Variants in ZDHHC14 observed in about 807,000 individuals in gnomAD.
The protein encoded by ZDHHC14 is palmitoyltransferase ZDHHC14.
A neutral mutation model predicts 47.7 loss-of-function variants in ZDHHC14; 16 were observed. That is an observed-to-expected ratio of 0.34 (90% CI 0.23 to 0.51). ZDHHC14 has a LOEUF of 0.51. Among genes scored for constraint, ZDHHC14 ranks in the 20% least tolerant of loss-of-function variants. ZDHHC14 has a pLI of 0.97. For missense variants in ZDHHC14, 515 were observed against 662.5 expected (o/e 0.78, Z 2.44); for synonymous variants, 293 against 278.9 (o/e 1.05, Z -0.50).
intron 4 of ZDHHC14, chr6:157,628,687 C>A (rs1785537295): frequency 4.8e-6 from 3 of 624,232 alleles, no homozygotes; most frequent in Non-Finnish European, 8.0e-6. Context: ...TCATCCCCCA[C>A]TCCCCACCCC....
chr6:157,499,908 CTAAA>C (rs201409803), intron 1 of ZDHHC14, among the ~76,000 whole-genome samples: 17,702 of 152,080 alleles, frequency 0.12, 1,278 homozygotes, highest in Non-Finnish European at 0.15. Context: ...ATTCTAGGTG[CTAAA>C]TAATTTAGCC....
chr6:157,549,751 G>A (rs112742595), intron 2 of ZDHHC14, among the ~76,000 whole-genome samples: 2,713 of 152,300 alleles, frequency 0.018, 72 homozygotes, highest in African/African-American at 0.06. Context: ...TGATTCTAAG[G>A]GAAGGAGGGA....
At chr6:157,473,951 G>A (rs1189593229) in intron 1 of ZDHHC14, among the ~76,000 whole-genome samples, 1 of 151,006 alleles carries the variant, frequency 6.6e-6, no homozygotes, top group African/African-American at 2.4e-5. Flanking sequence ...CAAGCATTTC[G>A]GATAAGGGAA....
intron 1 of ZDHHC14, among the ~76,000 whole-genome samples, chr6:157,442,246 G>A (rs1013733685): frequency 1.4e-4 from 22 of 152,124 alleles, no homozygotes; most frequent in Admixed American, 6.5e-4. Context: ...ATCTGGATAT[G>A]GTGGTGCACA....
chr6:157,563,455 G>A (rs542480357), intron 2 of ZDHHC14, among the ~76,000 whole-genome samples: 2 of 152,302 alleles, frequency 1.3e-5, no homozygotes, highest in South Asian at 4.2e-4. Flanking sequence ...TCCCGGAGTG[G>A]AATTTCTCTG....
chr6:157,578,347 C>T (rs1783385115), intron 2 of ZDHHC14, among the ~76,000 whole-genome samples: 1 of 152,154 alleles, frequency 6.6e-6, no homozygotes, highest in African/African-American at 2.4e-5. Context: ...AGTCTTTAAT[C>T]CATCTTAAGT....
intron 1 of ZDHHC14, among the ~76,000 whole-genome samples, chr6:157,435,117 G>A (rs1441468375): frequency 2.0e-5 from 3 of 152,222 alleles, no homozygotes; most frequent in African/African-American, 7.2e-5. Context: ...TTCCTCGGGG[G>A]TTCTTTGCAT....
intron 5 of ZDHHC14, among the ~76,000 whole-genome samples, chr6:157,633,375 T>G (rs1182761038): frequency 6.6e-6 from 1 of 152,046 alleles, no homozygotes; most frequent in Admixed American, 6.6e-5. Flanking sequence ...AAACCCTGAA[T>G]AGATTAAAAA....
rs1019977120 is a variant in ZDHHC14, at chr6:157,673,289, C to T, written c.*167C>T. The stretch of plus-strand genomic sequence containing the variant: ...TAGGATGGCACAGGGTGGCTGGCCC[C>T]GGATGCTGAGAGCTTGGTTTCATTT... On this transcript the variant is annotated 3_prime_UTR_variant, in exon 9 of 9. Coordinates refer to ENST00000359775, the MANE Select transcript of ZDHHC14 (RefSeq NM_024630.3). The surrounding 1 kb of genome is among the most constrained non-coding windows in gnomAD (Gnocchi z 5.4). 2.0e-5 allele frequency: 17 copies of T among 866,102 alleles called. No homozygotes were observed. The highest frequency in any genetic ancestry group is 1.6e-4 in the South Asian group (7 of 44,854). The allele number at this position is 866,102 out of a possible 1,614,324, so 53.7% of individuals were successfully genotyped here.
chr6:157,543,326 C>A (rs954090278), intron 2 of ZDHHC14, among the ~76,000 whole-genome samples: 1 of 149,028 alleles, frequency 6.7e-6, no homozygotes, highest in Non-Finnish European at 1.5e-5. Flanking sequence ...GATCCTAATC[C>A]CTTACACAAC....
intron 1 of ZDHHC14, among the ~76,000 whole-genome samples, chr6:157,468,859 A>C (rs543526241): frequency 5.3e-5 from 8 of 152,282 alleles, no homozygotes; most frequent in African/African-American, 1.9e-4. Context: ...ATGGGTGAAA[A>C]ATTTGACGCT....
intron 7 of ZDHHC14, among the ~76,000 whole-genome samples, chr6:157,653,172 A>G (rs1777919667): frequency 6.6e-6 from 1 of 152,162 alleles, no homozygotes; most frequent in East Asian, 1.9e-4. Flanking sequence ...TGTAGTAAGA[A>G]GACGTGCAGT....
chr6:157,389,003 G>A (rs949324742), intron 1 of ZDHHC14, among the ~76,000 whole-genome samples: 1 of 151,888 alleles, frequency 6.6e-6, no homozygotes, highest in African/African-American at 2.4e-5. Flanking sequence ...TGTTTAGTTT[G>A]GTTTATTTTT....
intron 1 of ZDHHC14, among the ~76,000 whole-genome samples, chr6:157,525,363 G>C (rs919213960): frequency 3.3e-5 from 5 of 151,992 alleles, no homozygotes; most frequent in Non-Finnish European, 5.9e-5. Flanking sequence ...ACAGGGTCTT[G>C]CCATGTTGCC....
chr6:157,455,552 C>T (rs902324859), intron 1 of ZDHHC14, among the ~76,000 whole-genome samples: 8 of 152,120 alleles, frequency 5.3e-5, no homozygotes, highest in East Asian at 1.9e-4. Flanking sequence ...CTGATGCCGC[C>T]GGCCTTTGTG....
intron 1 of ZDHHC14, among the ~76,000 whole-genome samples, chr6:157,434,166 C>G (rs1337361618): frequency 6.6e-6 from 1 of 151,128 alleles, no homozygotes; most frequent in Non-Finnish European, 1.5e-5. Context: ...AGTATTAGAC[C>G]TAACATATTA....
rs993710594 is a variant in ZDHHC14, at chr6:157,677,078, A to G, written c.*3956A>G. ...TTGAAGCTGAGCCGAAATCAAATTGATGTTTACATTTTCTATCAAGTACAC... is the reference window on the plus strand; with the variant it reads ...TTGAAGCTGAGCCGAAATCAAATTGGTGTTTACATTTTCTATCAAGTACAC... On this transcript the variant is annotated 3_prime_UTR_variant, in exon 9 of 9. Coordinates refer to ENST00000359775, the MANE Select transcript of ZDHHC14 (RefSeq NM_024630.3). The G allele has an allele frequency of 6.6e-6, 1 of 152,180 alleles. No homozygotes were observed. The highest frequency in any genetic ancestry group is 2.1e-4 in the South Asian group (1 of 4,832). 9.4% of individuals were successfully genotyped at this position (152,180 alleles called of 1,614,324 possible).
intron 5 of ZDHHC14, among the ~76,000 whole-genome samples, chr6:157,640,624 G>C (rs528129953): frequency 6.6e-6 from 1 of 152,294 alleles, no homozygotes; most frequent in South Asian, 2.1e-4. Flanking sequence ...TCCAGAGCTG[G>C]AGCCCAGTTC....
intron 3 of ZDHHC14, among the ~76,000 whole-genome samples, chr6:157,597,084 C>T (rs1226617842): frequency 1.3e-5 from 2 of 152,174 alleles, no homozygotes; most frequent in Admixed American, 6.5e-5. Flanking sequence ...CTTGCCATCG[C>T]GTTCCTTCTG....
Sources: gnomAD v4.1 joint callset for allele counts (sites outside exome capture counted in the v4.1 genomes callset) on GRCh38, gnomAD v4.1.1 for gene constraint, Gnocchi (gnomAD v3.1) non-coding constraint, MANE v1.5 for transcripts, NCBI Gene and HGNC (gene_info 2026-07-23, HGNC 2026-07-21) for gene names.